SLC35F1: variants seen among roughly 807,000 people sequenced by gnomAD.
The protein encoded by SLC35F1 is chromosome 6 open reading frame 169.
Under a neutral mutation model 48.7 loss-of-function variants are expected in SLC35F1, and 14 were observed. The observed-to-expected ratio is 0.29, with a 90% CI of 0.19 to 0.45. The LOEUF is 0.45. SLC35F1 is among the 20% of genes least tolerant of loss of function. The pLI, the probability that SLC35F1 is intolerant of heterozygous loss-of-function variation, is 1.00. For synonymous variants in SLC35F1, 190 were observed against 202.2 expected (o/e 0.94, Z 0.51); for missense variants, 404 against 500.0 (o/e 0.81, Z 1.83).
At chr6:118,290,562 A>G (rs1197603669) in intron 7 of SLC35F1, among the ~76,000 whole-genome samples, 1 of 152,190 alleles carries the variant, frequency 6.6e-6, no homozygotes, top group Non-Finnish European at 1.5e-5. Context: ...AAAAATTAAA[A>G]AAAAAATTTA....
chr6:117,919,450 G>C (rs1775868361), intron 1 of SLC35F1, among the ~76,000 whole-genome samples: 1 of 152,122 alleles, frequency 6.6e-6, no homozygotes, highest in Admixed American at 6.5e-5. Context: ...TGTTATCCTG[G>C]TCCCAAAATT....
intron 1 of SLC35F1, among the ~76,000 whole-genome samples, chr6:118,040,063 C>T (rs1450551054): frequency 6.6e-6 from 1 of 152,124 alleles, no homozygotes; most frequent in Admixed American, 6.6e-5. Flanking sequence ...GTCTGTCTCA[C>T]ATATGTGTAT....
chr6:118,241,098 T>C lies in SLC35F1; in HGVS notation c.477+5462T>C, dbSNP rs527972583. On this transcript the variant is annotated intron_variant, in intron 3 of 7. Transcript: ENST00000360388. ...AGGAAGTGAGAGCCAAGAGTTAAGCTGGGCCATATTGTAGAAGGTCTTCAA... is the reference window on the plus strand; with the variant it reads ...AGGAAGTGAGAGCCAAGAGTTAAGCCGGGCCATATTGTAGAAGGTCTTCAA... 7.9e-5 allele frequency among the ~76,000 whole-genome samples: 12 copies of C among 152,340 alleles called. No homozygotes were observed. The South Asian group carries it at 2.5e-3, about 32-fold the overall frequency.
At chr6:118,230,854 A>G (rs1380039740) in intron 2 of SLC35F1, among the ~76,000 whole-genome samples, 1 of 152,026 alleles carries the variant, frequency 6.6e-6, no homozygotes. Flanking sequence ...CTTGCTACTC[A>G]AGAGGCTGAA....
At chr6:118,126,138 A>G (rs1165002369) in intron 1 of SLC35F1, among the ~76,000 whole-genome samples, 1 of 152,162 alleles carries the variant, frequency 6.6e-6, no homozygotes, top group East Asian at 1.9e-4. Context: ...CACTCCCCTC[A>G]CTAACAAGAG....
At chr6:117,948,308 A>C (rs1307675187) in intron 1 of SLC35F1, among the ~76,000 whole-genome samples, 1 of 152,206 alleles carries the variant, frequency 6.6e-6, no homozygotes, top group Non-Finnish European at 1.5e-5. Context: ...CTGGTACTGA[A>C]AAATTATTTA....
chr6:118,004,499 C>A (rs1361435074), intron 1 of SLC35F1, among the ~76,000 whole-genome samples: 1 of 152,186 alleles, frequency 6.6e-6, no homozygotes, highest in Non-Finnish European at 1.5e-5. Context: ...TTCTGTCCTA[C>A]CATCACCTAA....
At chr6:118,061,959 C>A (rs1403956283) in intron 1 of SLC35F1, among the ~76,000 whole-genome samples, 1 of 152,102 alleles carries the variant, frequency 6.6e-6, no homozygotes, top group Non-Finnish European at 1.5e-5. Flanking sequence ...TCCTAACAGG[C>A]CACGGACTGG....
chr6:118,074,854 G>A (rs973665790), intron 1 of SLC35F1, among the ~76,000 whole-genome samples: 6 of 152,120 alleles, frequency 3.9e-5, no homozygotes, highest in Non-Finnish European at 5.9e-5. Context: ...ATATTGCCCA[G>A]GCTGGTCTCT....
chr6:118,237,097 T>C (rs1241651491), intron 3 of SLC35F1, among the ~76,000 whole-genome samples: 1 of 152,080 alleles, frequency 6.6e-6, no homozygotes, highest in Non-Finnish European at 1.5e-5. Flanking sequence ...ATACTCATAC[T>C]CTCTATTCTC....
chr6:117,952,751 T>A (rs1376220177), intron 1 of SLC35F1, among the ~76,000 whole-genome samples: 1 of 152,230 alleles, frequency 6.6e-6, no homozygotes, highest in Admixed American at 6.5e-5. Context: ...TTCAGTCTAA[T>A]CATCCTTAGA....
chr6:118,267,240 A>G (rs1243538648), intron 4 of SLC35F1, 86 bp downstream of exon 4: 1 of 1,504,732 alleles, frequency 6.6e-7, no homozygotes, highest in Admixed American at 1.7e-5. Flanking sequence ...GGGTGAAAAC[A>G]AGGACCTTAG....
chr6:117,996,400 A>G (rs1298950065), intron 1 of SLC35F1, among the ~76,000 whole-genome samples: 4 of 152,188 alleles, frequency 2.6e-5, no homozygotes, highest in Admixed American at 1.3e-4. Flanking sequence ...TGATTTCTGC[A>G]TTTCCGTCTG....
intron 1 of SLC35F1, among the ~76,000 whole-genome samples, chr6:118,031,793 A>G (rs1269053379): frequency 6.6e-6 from 1 of 152,174 alleles, no homozygotes; most frequent in Non-Finnish European, 1.5e-5. Context: ...TTATGCAGAA[A>G]TCTCTAGGAA....
intron 2 of SLC35F1, among the ~76,000 whole-genome samples, chr6:118,213,415 T>C (rs1775033528): frequency 6.6e-6 from 1 of 152,188 alleles, no homozygotes; most frequent in Non-Finnish European, 1.5e-5. Flanking sequence ...GGAGTATAAA[T>C]TCATATACTT....
intron 3 of SLC35F1, among the ~76,000 whole-genome samples, chr6:118,258,458 T>A (rs1331344869): frequency 6.6e-6 from 1 of 152,114 alleles, no homozygotes; most frequent in Non-Finnish European, 1.5e-5. Context: ...AAGCCTTCAT[T>A]TAACATTTGA....
intron 1 of SLC35F1, among the ~76,000 whole-genome samples, chr6:118,041,671 C>T (rs1772223406): frequency 6.6e-6 from 1 of 152,044 alleles, no homozygotes. Flanking sequence ...AGAGAAAGGC[C>T]CCTTTGACAG....
chr6:117,932,589 A>G (rs1199723659), intron 1 of SLC35F1, among the ~76,000 whole-genome samples: 2 of 152,218 alleles, frequency 1.3e-5, no homozygotes, highest in African/African-American at 4.8e-5. Context: ...TCAAGCATAG[A>G]GGCTTTTCTT....
intron 6 of SLC35F1, among the ~76,000 whole-genome samples, chr6:118,280,213 C>T (rs1284159638): frequency 6.6e-6 from 1 of 152,094 alleles, no homozygotes; most frequent in East Asian, 1.9e-4. Flanking sequence ...TCGAATACAG[C>T]TAAAAATACC....
Sources: allele counts gnomAD v4.1 joint callset (sites outside exome capture counted in the v4.1 genomes callset), GRCh38; gene constraint gnomAD v4.1.1; transcripts MANE v1.5; gene names NCBI Gene and HGNC (gene_info 2026-07-23, HGNC 2026-07-21).